The following CHST15 variants were observed in gnomAD, a reference collection of about 807,000 sequenced individuals.
CHST15 encodes carbohydrate sulfotransferase 15, also known as B cell RAG associated protein (GALNAC4S-6ST).
Under a neutral mutation model 53.6 loss-of-function variants are expected in CHST15, and 30 were observed. The observed-to-expected ratio is 0.56, with a 90% CI of 0.42 to 0.76. The LOEUF (loss-of-function observed/expected upper bound fraction) is 0.76. Ranked by LOEUF, CHST15 falls within the 30% of genes least tolerant of loss-of-function variation. CHST15 has a pLI of 0.00. For missense variants in CHST15, 627 were observed against 740.5 expected (o/e 0.85, Z 1.78); for synonymous variants, 296 against 289.8 (o/e 1.02, Z -0.22).
chr10:124,018,824 T>C (rs1005096821), intron 6 of CHST15, among the ~76,000 whole-genome samples: 1 of 151,860 alleles, frequency 6.6e-6, no homozygotes, highest in African/African-American at 2.4e-5. Context: ...GAGGTTACAA[T>C]GAAAGGGCCA....
Position 124,044,720 on chromosome 10 carries a change from C to T in CHST15, c.746G>A (p.Arg249His). The change falls in exon 3 of 8, where the codon CGC becomes CAC. Residue 249 changes from arginine (R) to histidine (H), a missense_variant. Physicochemically the swap from Arg to His is conservative, Grantham distance 29 (BLOSUM62 0). This residue lies in a region of CHST15 where 161 missense variants were observed against 117.2 expected (regional missense o/e 1.37). Transcript: ENST00000435907. The part of the protein sequence containing the change: ...HLAHAHGKHF[R>H]LRCLPHFYII... The stretch of plus-strand genomic sequence containing the variant: ...GTAGAAGTGCGGCAGGCAGCGCAGG[C>T]GGAAGTGCTTCCCGTGCGCGTGCGC... The T allele has an allele frequency of 3.1e-6, 5 of 1,613,690 alleles. No homozygotes were observed. Among genetic ancestry groups the T allele is most frequent in the Non-Finnish European group, 4.2e-6 (5 of 1,179,862 alleles).
rs765297607 is a variant in CHST15, at chr10:124,019,627, T to G, written c.1347+1629A>C. 1.4e-5 allele frequency: 5 copies of G among 363,976 alleles called. No homozygotes were observed. Among genetic ancestry groups the G allele is most frequent in the Non-Finnish European group, 1.9e-5 (5 of 261,674 alleles). 22.5% of individuals were successfully genotyped at this position (363,976 alleles called of 1,614,324 possible). A position where few individuals can be genotyped will look rare whatever the true frequency, so the allele number is the denominator to read the frequency against. On this transcript the variant is annotated intron_variant, in intron 6 of 7. Transcript: ENST00000435907. This position sits in a 1 kb window ranked among gnomAD's most constrained non-coding sequence, Gnocchi z 4.6. ...TATGAAGGCTCCCTCCCGGGTTACA[T>G]GAAATTTACGTTAAACAAGTATGTG...
intron 4 of CHST15, among the ~76,000 whole-genome samples, chr10:124,040,723 C>T (rs936665736): frequency 1.1e-4 from 17 of 152,228 alleles, no homozygotes; most frequent in East Asian, 1.9e-4. Flanking sequence ...GAAAAATGAA[C>T]GGCCGCAAGG....
At chr10:124,093,111 G>A (rs1179260068) in intron 1 of CHST15, among the ~76,000 whole-genome samples, 1 of 152,090 alleles carries the variant, frequency 6.6e-6, no homozygotes, top group East Asian at 1.9e-4. Context: ...AGGGCGCCCG[G>A]AGCGCGGCCA....
At chr10:124,017,004 T>C (rs1469723372) in intron 6 of CHST15, among the ~76,000 whole-genome samples, 1 of 152,098 alleles carries the variant, frequency 6.6e-6, no homozygotes, top group Admixed American at 6.6e-5. Context: ...CTCCCTTCTG[T>C]GTGGGAGAAA....
chr10:124,015,516 G>A (rs560040903), intron 6 of CHST15, among the ~76,000 whole-genome samples: 6 of 152,008 alleles, frequency 3.9e-5, no homozygotes, highest in South Asian at 4.2e-4. Flanking sequence ...AATCCCCACC[G>A]AGAGCCAAGG....
chr10:124,087,324 C>T (rs1187765514), intron 1 of CHST15, among the ~76,000 whole-genome samples: 2 of 152,150 alleles, frequency 1.3e-5, no homozygotes, highest in Non-Finnish European at 2.9e-5. Context: ...CCTTGTATGC[C>T]CTCCCCCTTG....
At chr10:124,011,902 G>C in intron 7 of CHST15, 1 of 970,226 alleles carries the variant, frequency 1.0e-6, no homozygotes, top group Non-Finnish European at 1.2e-6. Context: ...GTGACATCCT[G>C]TTGGTCCTAC....
chr10:124,030,121 A>G (rs1306919679), intron 5 of CHST15, among the ~76,000 whole-genome samples: 3 of 152,218 alleles, frequency 2.0e-5, no homozygotes, highest in Non-Finnish European at 4.4e-5. Context: ...TCTCCCACCA[A>G]TAACAAGATG....
rs1272509197 is a variant in CHST15 at position 124,024,495 on chromosome 10, G to A, written c.1191-3083C>T. On this transcript the variant is annotated intron_variant, in intron 5 of 7. Transcript: ENST00000435907. This position sits in a 1 kb window ranked among gnomAD's most constrained non-coding sequence, Gnocchi z 4.0. ...GGAGTGTTCCATCTACCACAGCCTG[G>A]CCAGCCAAACTGTCCAAAGAGACAG... Among the ~76,000 whole-genome samples, 2 of 152,042 alleles carry A rather than the reference G, an allele frequency of 1.3e-5. No homozygotes were observed. The highest frequency in any genetic ancestry group is 6.6e-5 in the Admixed American group (1 of 15,264).
chr10:124,091,914 G>A (rs1949610851), intron 1 of CHST15, among the ~76,000 whole-genome samples: 1 of 152,012 alleles, frequency 6.6e-6, no homozygotes, highest in Non-Finnish European at 1.5e-5. Context: ...GGCCGGCCCC[G>A]GGCGCAGGGC....
chr10:124,041,055 A>C (rs1947716005), intron 4 of CHST15, among the ~76,000 whole-genome samples: 1 of 152,222 alleles, frequency 6.6e-6, no homozygotes, highest in African/African-American at 2.4e-5. Context: ...TTGGACTCCC[A>C]AGTTTGCAAA....
rs1310658648 is a variant in CHST15 at position 124,007,689 on chromosome 10, G to A, written c.*2460C>T. On this transcript the variant is annotated 3_prime_UTR_variant, in exon 8 of 8. Coordinates refer to ENST00000435907, the MANE Select transcript of CHST15 (RefSeq NM_001270764.2). ...GAGCTTGGCTGCAGAGGAAGAGCAC[G>A]CGCTCCACAGGCGTCACTCTTATGG... 2.2e-5 allele frequency: 27 copies of A among 1,219,494 alleles called. No individual in the cohort carries two copies. The South Asian group carries it at 4.3e-4, about 19-fold the overall frequency. The allele number at this position is 1,219,494 out of a possible 1,614,324, so 75.5% of individuals were successfully genotyped here. A position where few individuals can be genotyped will look rare whatever the true frequency, so the allele number is the denominator to read the frequency against.
At chr10:124,086,636 A>G (rs1359614336) in intron 1 of CHST15, among the ~76,000 whole-genome samples, 1 of 150,666 alleles carries the variant, frequency 6.6e-6, no homozygotes, top group African/African-American at 2.4e-5. Flanking sequence ...CAGCCATCGC[A>G]TGTGGATTTC....
intron 5 of CHST15, among the ~76,000 whole-genome samples, chr10:124,030,765 TG>T (rs746446575): frequency 6.6e-6 from 1 of 152,206 alleles, no homozygotes; most frequent in Non-Finnish European, 1.5e-5. Flanking sequence ...TTCTAGGGGC[TG>T]GGGGAAGTTG....
intron 1 of CHST15, among the ~76,000 whole-genome samples, chr10:124,084,429 G>C (rs959398306): frequency 6.6e-6 from 1 of 152,124 alleles, no homozygotes; most frequent in Non-Finnish European, 1.5e-5. Flanking sequence ...GACCATTGAA[G>C]GCTGCCCAGA....
intron 1 of CHST15, among the ~76,000 whole-genome samples, chr10:124,081,974 C>T (rs548485264): frequency 2.6e-4 from 40 of 152,282 alleles, no homozygotes; most frequent in East Asian, 7.7e-4. Flanking sequence ...GATAAGCAGC[C>T]GGGCCGCCCA....
intron 1 of CHST15, among the ~76,000 whole-genome samples, chr10:124,068,336 T>G (rs949329606): frequency 1.3e-5 from 2 of 152,098 alleles, no homozygotes; most frequent in Admixed American, 6.6e-5. Flanking sequence ...GATGTGACAA[T>G]ATGTAGTCTA....
chr10:124,093,336 GCC>G (rs1156729981), intron 1 of CHST15, 131 bp downstream of exon 1: 1 of 152,244 alleles, frequency 6.6e-6, no homozygotes, highest in Non-Finnish European at 1.5e-5. Flanking sequence ...GACTCCCTAC[GCC>G]CAGCCCCGGC....
Sources: allele counts gnomAD v4.1 joint callset (sites outside exome capture counted in the v4.1 genomes callset), GRCh38; gene constraint gnomAD v4.1.1; regional missense constraint gnomAD v4.1.1; non-coding constraint Gnocchi (gnomAD v3.1); transcripts MANE v1.5; gene names NCBI Gene and HGNC (gene_info 2026-07-23, HGNC 2026-07-21).